G3BP1: variants seen among roughly 807,000 people sequenced by gnomAD.
G3BP1 encodes G3BP stress granule assembly factor 1.
G3BP1 carries 35 observed loss-of-function variants against 58.6 expected under a neutral mutation model. The observed-to-expected ratio is 0.60, with a 90% CI of 0.46 to 0.79. The LOEUF (loss-of-function observed/expected upper bound fraction) is 0.79, where lower values mean the gene tolerates loss of function less well. G3BP1 is among the 30% of genes least tolerant of loss of function. The probability of loss-of-function intolerance (pLI) is 0.00; values close to 1 mark genes in which losing one functional copy is unlikely to be tolerated. For synonymous variants in G3BP1, 191 were observed against 195.4 expected (o/e 0.98, Z 0.19); for missense variants, 523 against 580.8 (o/e 0.90, Z 1.02).
chr5:151,798,942 C>A (rs1410680807), intron 7 of G3BP1, among the ~76,000 whole-genome samples: 2 of 151,988 alleles, frequency 1.3e-5, no homozygotes, highest in Non-Finnish European at 2.9e-5. Context: ...GCCTGGGCAA[C>A]AGAGCAAGAT....
intron 11 of G3BP1, 73 bp from the exon 12 acceptor site, chr5:151,803,812 C>A: frequency 9.6e-7 from 1 of 1,041,420 alleles, no homozygotes; most frequent in Non-Finnish European, 1.5e-6. Flanking sequence ...TTCATTATTA[C>A]AGCTTTCTTT....
At chr5:151,788,568 TTATA>T (rs1260561752) in intron 2 of G3BP1, among the ~76,000 whole-genome samples, 1 of 67,438 alleles carries the variant, frequency 1.5e-5, no homozygotes, top group Admixed American at 1.8e-4. Context: ...CCAGCTAAGT[TTATA>T]TGTGTGTGTG....
At chr5:151,774,718 A>G (rs2113212251) in intron 1 of G3BP1, among the ~76,000 whole-genome samples, 1 of 146,944 alleles carries the variant, frequency 6.8e-6, no homozygotes, top group South Asian at 2.1e-4. Context: ...AGGTAGGTCA[A>G]AAAAAAAAAG....
rs1763002505 is a variant in G3BP1, at chr5:151,810,434, G to A, written c.*6343G>A. The A allele has an allele frequency of 1.3e-5, 2 of 152,210 alleles. No individual in the cohort carries two copies. Among genetic ancestry groups the A allele is most frequent in the Admixed American group, 1.3e-4 (2 of 15,276 alleles). The allele number at this position is 152,210 out of a possible 1,614,324, so 9.4% of individuals were successfully genotyped here. A position where few individuals can be genotyped will look rare whatever the true frequency, so the allele number is the denominator to read the frequency against. ...TTTGGGGCTGATCTGTCCAGAATTT[G>A]GAGTGAGGAACAAATCCATTCTCAT... On this transcript the variant is annotated 3_prime_UTR_variant, in exon 12 of 12. Coordinates refer to ENST00000356245, the MANE Select transcript of G3BP1 (RefSeq NM_005754.3).
At position 151,811,356 on chromosome 5, in the gene G3BP1, A is replaced by T. The variant is rs1763016545; in HGVS notation, c.*7265A>T. 1 of 152,232 alleles carries T rather than the reference A, an allele frequency of 6.6e-6. No homozygotes were observed. Among genetic ancestry groups the T allele is most frequent in the African/African-American group, 2.4e-5 (1 of 41,444 alleles). The allele number at this position is 152,232 out of a possible 1,614,324, so 9.4% of individuals were successfully genotyped here. On this transcript the variant is annotated 3_prime_UTR_variant, in exon 12 of 12. Coordinates refer to ENST00000356245, the MANE Select transcript of G3BP1 (RefSeq NM_005754.3). ...CAATAAATACTTCTTGAATGAACAA[A>T]TGAATTCTCATTTCTCGACATAAAG...
Position 151,808,219 on chromosome 5 carries a change from T to A in G3BP1, c.*4128T>A, listed in dbSNP as rs1481709872. Reference sequence around the variant, plus strand: ...ATTCTGGGGACCATAGGTGGGCCTGTCAACTCTTAACAGACTATAGTAAAG... The same window carrying A: ...ATTCTGGGGACCATAGGTGGGCCTGACAACTCTTAACAGACTATAGTAAAG... On this transcript the variant is annotated 3_prime_UTR_variant, in exon 12 of 12. Coordinates refer to ENST00000356245, the MANE Select transcript of G3BP1 (RefSeq NM_005754.3). The A allele has an allele frequency of 6.6e-6, 1 of 152,210 alleles. No homozygotes were observed. Among genetic ancestry groups the A allele is most frequent in the Non-Finnish European group, 1.5e-5 (1 of 68,038 alleles). The allele number at this position is 152,210 out of a possible 1,614,324, so 9.4% of individuals were successfully genotyped here. A position where few individuals can be genotyped will look rare whatever the true frequency, so the allele number is the denominator to read the frequency against.
intron 1 of G3BP1, among the ~76,000 whole-genome samples, chr5:151,773,777 A>G (rs1762318842): frequency 6.6e-6 from 1 of 152,216 alleles, no homozygotes; most frequent in Non-Finnish European, 1.5e-5. Context: ...CTATGGAATT[A>G]GCATTTTAAC....
chr5:151,788,615 T>TG (rs1276643889), intron 2 of G3BP1, among the ~76,000 whole-genome samples: 7 of 147,216 alleles, frequency 4.8e-5, no homozygotes, highest in Admixed American at 2.0e-4. Context: ...TGTGTGTGTA[T>TG]TATTTATTTA....
Position 151,790,411 on chromosome 5 carries a change from A to G in G3BP1, c.177+7A>G. ...TGCAGTCTACGGACAGAAAGTAAGCATTTCAAGCCTTATTTAGGCTGTTAA... is the reference window on the plus strand; with the variant it reads ...TGCAGTCTACGGACAGAAAGTAAGCGTTTCAAGCCTTATTTAGGCTGTTAA... On this transcript the variant is annotated splice_region_variant and intron_variant, in intron 3 of 11. Coordinates refer to ENST00000356245, the MANE Select transcript of G3BP1 (RefSeq NM_005754.3). 6.5e-7 allele frequency: 1 copy of G among 1,527,184 alleles called. No homozygotes were observed. The highest frequency in any genetic ancestry group is 1.4e-5 in the African/African-American group (1 of 71,784). 94.6% of individuals were successfully genotyped at this position (1,527,184 alleles called of 1,614,324 possible).
At chr5:151,779,798 A>G (rs953069679) in intron 1 of G3BP1, among the ~76,000 whole-genome samples, 2 of 152,226 alleles carry the variant, frequency 1.3e-5, no homozygotes, top group African/African-American at 4.8e-5. Flanking sequence ...TGTCTTAGGT[A>G]TAGAAGTTTC....
chr5:151,784,841 G>T (rs972590063), intron 1 of G3BP1, among the ~76,000 whole-genome samples: 1 of 152,086 alleles, frequency 6.6e-6, no homozygotes, highest in African/African-American at 2.4e-5. Context: ...GACTTTAGGA[G>T]CCAGCTGCCA....
intron 11 of G3BP1, among the ~76,000 whole-genome samples, chr5:151,803,524 G>A (rs947822486): frequency 6.6e-6 from 1 of 151,520 alleles, no homozygotes; most frequent in Non-Finnish European, 1.5e-5. Flanking sequence ...TCGGAGTCTC[G>A]CTCTTTTTCC....
chr5:151,786,756 A>G (rs777768516), intron 2 of G3BP1, 41 bp downstream of exon 2: 2 of 1,126,228 alleles, frequency 1.8e-6, no homozygotes, highest in African/African-American at 3.0e-5. Flanking sequence ...GCTGTCTTTT[A>G]GTATGTGGTA....
chr5:151,790,226 G>A (rs1273144361), intron 2 of G3BP1, 97 bp from the exon 3 acceptor site: 7 of 561,250 alleles, frequency 1.2e-5, no homozygotes, highest in Admixed American at 7.7e-5. Context: ...ATGAGACCCC[G>A]TTGCAAAAAA....
At position 151,790,360 on chromosome 5, in the gene G3BP1, T is replaced by C. The variant is rs528150125; in HGVS notation, c.133T>C (p.Leu45=). 8.8e-6 allele frequency: 14 copies of C among 1,584,354 alleles called. No homozygotes were observed. In the African/African-American group the frequency reaches 1.6e-4, roughly 19 times the overall value. The change falls in exon 3 of 12, where the codon TTG becomes CTG. Residue 45 remains leucine, a synonymous_variant. Coordinates refer to ENST00000356245, the MANE Select transcript of G3BP1 (RefSeq NM_005754.3). ...GAACTCTTCTTATGTCCATGGGGGATTGGATTCAAATGGAAAGCCAGCAGA... is the reference window on the plus strand; with the variant it reads ...GAACTCTTCTTATGTCCATGGGGGACTGGATTCAAATGGAAAGCCAGCAGA... ...GKNSSYVHGG[L]DSNGKPADAV...
At chr5:151,788,936 C>G (rs904726902) in intron 2 of G3BP1, among the ~76,000 whole-genome samples, 2 of 152,072 alleles carry the variant, frequency 1.3e-5, no homozygotes, top group Non-Finnish European at 2.9e-5. Context: ...CGCCACCATG[C>G]CTGGCTAATT....
chr5:151,774,997 GGT>G (rs1285530486), intron 1 of G3BP1, among the ~76,000 whole-genome samples: 1 of 152,188 alleles, frequency 6.6e-6, no homozygotes, highest in Non-Finnish European at 1.5e-5. Context: ...TTGCAAGCCA[GGT>G]GATAGGGTTA....
At chr5:151,775,809 C>T (rs996814212) in intron 1 of G3BP1, among the ~76,000 whole-genome samples, 3 of 152,160 alleles carry the variant, frequency 2.0e-5, no homozygotes, top group Admixed American at 1.3e-4. Flanking sequence ...AAGGGATACA[C>T]TAAGATAAAA....
At chr5:151,796,865 T>C (rs1762760194) in intron 6 of G3BP1, among the ~76,000 whole-genome samples, 1 of 152,104 alleles carries the variant, frequency 6.6e-6, no homozygotes, top group South Asian at 2.1e-4. Flanking sequence ...ACTATACCCA[T>C]TGAATGGCAA....
Sources: gnomAD v4.1 joint callset for allele counts (sites outside exome capture counted in the v4.1 genomes callset) on GRCh38, gnomAD v4.1.1 for gene constraint, MANE v1.5 for transcripts, NCBI Gene and HGNC (gene_info 2026-07-23, HGNC 2026-07-21) for gene names.